The following NTM variants were observed in gnomAD, a reference collection of about 807,000 sequenced individuals.
The protein encoded by NTM is IgLON family member 2.
NTM carries 13 observed loss-of-function variants against 42.1 expected under a neutral mutation model. That is an observed-to-expected ratio of 0.31 (90% confidence interval 0.20 to 0.49). NTM has a LOEUF of 0.49. Among genes scored for constraint, NTM ranks in the 20% least tolerant of loss-of-function variants. The pLI is 0.99. For missense variants in NTM, 373 were observed against 452.8 expected (o/e 0.82, Z 1.60); for synonymous variants, 187 against 179.2 (o/e 1.04, Z -0.35).
intron 2 of NTM, among the ~76,000 whole-genome samples, chr11:132,010,029 A>G (rs2071745056): frequency 6.6e-6 from 1 of 152,206 alleles, no homozygotes; most frequent in African/African-American, 2.4e-5. Flanking sequence ...AGTGAAGAAA[A>G]TGGACAGACA....
chr11:131,448,280 C>A (rs983464228), intron 1 of NTM, among the ~76,000 whole-genome samples: 1 of 152,250 alleles, frequency 6.6e-6, no homozygotes. Flanking sequence ...CTCTGCATGG[C>A]ATCCAGCCTC....
chr11:131,865,043 T>C (rs1167308030), intron 1 of NTM, among the ~76,000 whole-genome samples: 1 of 152,206 alleles, frequency 6.6e-6, no homozygotes, highest in Admixed American at 6.5e-5. Flanking sequence ...TTCTGGAACC[T>C]GCCTCAAGTT....
intron 1 of NTM, chr11:131,660,237 A>T (rs564677145): frequency 2.6e-4 from 87 of 337,576 alleles, no homozygotes; most frequent in African/African-American, 1.8e-3. Flanking sequence ...GAACACAATG[A>T]CCCATTCAGG....
intron 1 of NTM, among the ~76,000 whole-genome samples, chr11:131,902,518 G>C (rs2053322855): frequency 6.6e-6 from 1 of 152,184 alleles, no homozygotes; most frequent in Non-Finnish European, 1.5e-5. Context: ...GCTTCCCCAA[G>C]GAAAGTTCAG....
intron 2 of NTM, among the ~76,000 whole-genome samples, chr11:132,122,819 T>G (rs2065059069): frequency 6.6e-6 from 1 of 152,202 alleles, no homozygotes; most frequent in South Asian, 2.1e-4. Context: ...GTTCAGAATT[T>G]TTCTGGGTTT....
At chr11:132,188,506 T>C (rs1285476887) in intron 3 of NTM, among the ~76,000 whole-genome samples, 1 of 152,192 alleles carries the variant, frequency 6.6e-6, no homozygotes, top group East Asian at 1.9e-4. Context: ...CCTGCCTTAA[T>C]GAACTTACGC....
intron 1 of NTM, among the ~76,000 whole-genome samples, chr11:131,857,316 C>T (rs1488223004): frequency 6.6e-6 from 1 of 152,196 alleles, no homozygotes; most frequent in Non-Finnish European, 1.5e-5. Context: ...TTCCCTTCCC[C>T]GAATATGCCT....
chr11:131,748,056 G>A (rs983635205), intron 1 of NTM, among the ~76,000 whole-genome samples: 15 of 152,192 alleles, frequency 9.9e-5, no homozygotes, highest in African/African-American at 2.9e-4. Context: ...TACAAGAAGC[G>A]TTGATGGTAC....
At position 131,382,423 on chromosome 11, in the gene NTM, G is replaced by A. The variant is rs116427574; in HGVS notation, c.82+11535G>A. Among the ~76,000 whole-genome samples, 537 of 152,112 alleles carry A rather than the reference G, an allele frequency of 3.5e-3. 2 individuals are homozygous for A. The highest frequency in any genetic ancestry group is 0.012 in the African/African-American group (516 of 41,500). ...TTCATATATCTCAAACTGATAGGGG[G>A]AACTCAGGTTCAAGATGACATAGCA... On this transcript the variant is annotated intron_variant, in intron 1 of 8. Transcript: ENST00000683400.
intron 4 of NTM, among the ~76,000 whole-genome samples, chr11:132,295,099 G>A (rs960842837): frequency 6.6e-6 from 1 of 151,572 alleles, no homozygotes; most frequent in African/African-American, 2.4e-5. Flanking sequence ...ATCTCTTCAT[G>A]AATCCAGCCC....
At chr11:132,084,841 AC>A (rs201261964) in intron 2 of NTM, among the ~76,000 whole-genome samples, 3,011 of 152,264 alleles carry the variant, frequency 0.02, 45 homozygotes, top group African/African-American at 0.025. Context: ...GCCAAATTTT[AC>A]CCTTGCATTA....
chr11:131,801,280 G>A (rs2092084051), intron 1 of NTM, among the ~76,000 whole-genome samples: 1 of 152,188 alleles, frequency 6.6e-6, no homozygotes, highest in Non-Finnish European at 1.5e-5. Context: ...GAAGTGTAGG[G>A]CAGCTCACTT....
chr11:131,385,247 G>A (rs992164834), intron 1 of NTM: 5 of 152,188 alleles, frequency 3.3e-5, no homozygotes, highest in Admixed American at 2.0e-4. Flanking sequence ...GAAACTATTC[G>A]TGTGTCACAT....
intron 2 of NTM, among the ~76,000 whole-genome samples, chr11:131,975,612 T>A (rs2064214656): frequency 6.6e-6 from 1 of 152,172 alleles, no homozygotes; most frequent in African/African-American, 2.4e-5. Flanking sequence ...GAATTTGTCA[T>A]CAGATGTGTT....
At chr11:132,186,677 T>C (rs1592097084) in intron 3 of NTM, among the ~76,000 whole-genome samples, 2 of 152,186 alleles carry the variant, frequency 1.3e-5, no homozygotes, top group East Asian at 3.8e-4. Context: ...TGTAAATACT[T>C]TCATGGAGGT....
chr11:132,100,360 C>G (rs2061486014), intron 2 of NTM, among the ~76,000 whole-genome samples: 1 of 152,182 alleles, frequency 6.6e-6, no homozygotes, highest in Non-Finnish European at 1.5e-5. Flanking sequence ...GATGGTTAGC[C>G]AGCACCACTA....
chr11:132,137,284 T>G (rs964846944), intron 2 of NTM, among the ~76,000 whole-genome samples: 2 of 152,192 alleles, frequency 1.3e-5, no homozygotes, highest in Admixed American at 6.5e-5. Context: ...GAGGAGAGCC[T>G]GCAGATGGAT....
intron 2 of NTM, among the ~76,000 whole-genome samples, chr11:132,128,448 T>A (rs573389899): frequency 3.4e-4 from 52 of 152,270 alleles, no homozygotes; most frequent in Admixed American, 2.5e-3. Flanking sequence ...ACATCAGATG[T>A]TGCCTCTCCA....
chr11:131,564,848 T>C (rs1463753768), intron 1 of NTM, among the ~76,000 whole-genome samples: 1 of 151,164 alleles, frequency 6.6e-6, no homozygotes, highest in Non-Finnish European at 1.5e-5. Context: ...CATGCTCACA[T>C]GCACACACAT....
Sources: gnomAD v4.1 joint callset for allele counts (sites outside exome capture counted in the v4.1 genomes callset) on GRCh38, gnomAD v4.1.1 for gene constraint, MANE v1.5 for transcripts, NCBI Gene and HGNC (gene_info 2026-07-23, HGNC 2026-07-21) for gene names.